Variants in MAP4K1 observed in about 807,000 individuals in gnomAD.
MAP4K1 encodes the protein mitogen-activated protein kinase kinase kinase kinase 1.
MAP4K1 carries 35 observed loss-of-function variants against 122.8 expected under a neutral mutation model. The observed-to-expected ratio is 0.29, with a 90% CI of 0.22 to 0.38. The LOEUF is 0.38. Among genes scored for constraint, MAP4K1 ranks in the 10% least tolerant of loss-of-function variants. The pLI, the probability that MAP4K1 is intolerant of heterozygous loss-of-function variation, is 1.00. For missense variants in MAP4K1, 791 were observed against 1,072.6 expected (o/e 0.74, Z 3.67); for synonymous variants, 412 against 421.3 (o/e 0.98, Z 0.27).
chr19:38,617,205 A>G lies in MAP4K1; in HGVS notation c.248+149T>C. ...GGTTGCAGTGAGCTGAGATCATGCC[A>G]CTGCACTCCAGCCTGGCAACAGAAC... On this transcript the variant is annotated intron_variant, in intron 3 of 30. Transcript: ENST00000396857. This position sits in a 1 kb window ranked among gnomAD's most constrained non-coding sequence, Gnocchi z 4.1. 1.6e-6 allele frequency: 1 copy of G among 631,082 alleles called. No homozygotes were observed. Among genetic ancestry groups the G allele is most frequent in the Non-Finnish European group, 2.8e-6 (1 of 355,892 alleles). 39.1% of individuals were successfully genotyped at this position (631,082 alleles called of 1,614,324 possible).
intron 25 of MAP4K1, among the ~76,000 whole-genome samples, 174 bp from the exon 26 acceptor site, chr19:38,596,660 C>T (rs1388692018): frequency 6.6e-6 from 1 of 152,148 alleles, no homozygotes; most frequent in Admixed American, 6.5e-5. Context: ...GGGTCGTGAC[C>T]TCCGAGTGGG....
chr19:38,610,179 A>G (rs920138566), intron 11 of MAP4K1, among the ~76,000 whole-genome samples, 154 bp from the exon 12 acceptor site: 1 of 151,984 alleles, frequency 6.6e-6, no homozygotes, highest in Non-Finnish European at 1.5e-5. Flanking sequence ...GGGGAAATCC[A>G]GGGAACTCAG....
At chr19:38,593,428 C>T in intron 29 of MAP4K1, 91 bp from the exon 30 acceptor site, 1 of 1,136,826 alleles carries the variant, frequency 8.8e-7, no homozygotes. Context: ...AGGAGCTGGG[C>T]ACGGTGGCTC....
At chr19:38,598,897 C>T (rs1003376467) in intron 22 of MAP4K1, among the ~76,000 whole-genome samples, 2 of 149,470 alleles carry the variant, frequency 1.3e-5, no homozygotes, top group African/African-American at 2.5e-5. Flanking sequence ...CCTGTAATCC[C>T]AGCTACTTGG....
In MAP4K1 at chr19:38,612,694, C is replaced by T. The variant is rs963432600; in HGVS notation, c.582G>A (p.Glu194=). The T allele has an allele frequency of 1.2e-6, 2 of 1,613,948 alleles. No homozygotes were observed. Among genetic ancestry groups the T allele is most frequent in the African/African-American group, 2.7e-5 (2 of 75,038 alleles). Residue 194 remains glutamate, a synonymous_variant, in exon 9 of 31, where the codon GAG becomes GAA. Transcript: ENST00000396857. ...TGCCCAGGGACCAGATGTCACACAGCTCATTGTATCCTCCCTTCAGGGCCA... is the reference window on the plus strand; with the variant it reads ...TGCCCAGGGACCAGATGTCACACAGTTCATTGTATCCTCCCTTCAGGGCCA... ...AAVALKGGYN[E]LCDIWSLGIT...
At position 38,611,267 on chromosome 19, in the gene MAP4K1, G is replaced by A. The variant is rs1389889073; in HGVS notation, c.704C>T (p.Pro235Leu). ...CCATTTGCCTTTTTCCTTCAGTCGGGGAGGCTGGTAGCCACTCTTGGTCAT... is the reference window on the plus strand; with the variant it reads ...CCATTTGCCTTTTTCCTTCAGTCGGAGAGGCTGGTAGCCACTCTTGGTCAT... ...FLMTKSGYQP[P>L]RLKEKGKWSA... is the part of the protein sequence containing the mutation. The change falls in exon 10 of 31, where the codon CCC becomes CTC. Residue 235 changes from proline to leucine, a missense_variant. Coordinates refer to ENST00000396857, the MANE Select transcript of MAP4K1 (RefSeq NM_001042600.3). 6.2e-7 allele frequency: 1 copy of A among 1,613,708 alleles called. No homozygotes were observed. The highest frequency in any genetic ancestry group is 8.5e-7 in the Non-Finnish European group (1 of 1,179,690).
intron 4 of MAP4K1, chr19:38,614,915 C>T (rs1296868965): frequency 1.1e-5 from 1 of 92,794 alleles, no homozygotes; most frequent in Non-Finnish European, 1.9e-5. Context: ...GAAGGAGGCT[C>T]TGTCTCAAAA....
intron 25 of MAP4K1, 81 bp from the exon 26 acceptor site, chr19:38,596,567 G>T: frequency 8.3e-7 from 1 of 1,198,644 alleles, no homozygotes; most frequent in Non-Finnish European, 1.1e-6. Flanking sequence ...GCTGGCCTGG[G>T]ACTTCCGAAC....
intron 3 of MAP4K1, among the ~76,000 whole-genome samples, chr19:38,616,912 G>A (rs1020579690): frequency 9.2e-5 from 14 of 152,070 alleles, no homozygotes; most frequent in African/African-American, 3.4e-4. Context: ...TCCAGGATGG[G>A]AGGTCGGGTT....
intron 30 of MAP4K1, chr19:38,592,481 A>G (rs1031070758): frequency 1.3e-5 from 2 of 152,180 alleles, no homozygotes; most frequent in African/African-American, 4.8e-5. Context: ...AGGCTGAAGC[A>G]TGAGAATCAC....
chr19:38,590,435 AT>A lies in MAP4K1; in HGVS notation c.2397-2619del, dbSNP rs1234945908. Among the ~76,000 whole-genome samples, 169 of 127,046 alleles carry A rather than the reference AT, an allele frequency of 1.3e-3. 3 individuals are homozygous for A. Among genetic ancestry groups the A allele is most frequent in the Non-Finnish European group, 2.0e-3 (122 of 62,036 alleles). The allele number at this position is 127,046 out of a possible 152,430, so 83.3% of individuals were successfully genotyped here. ...TATATATATATATATATATATATAT[AT>A]AATCACGGGCGTCACTAGGACAACG... On this transcript the variant is annotated intron_variant, in intron 30 of 30. Coordinates refer to ENST00000396857, the MANE Select transcript of MAP4K1 (RefSeq NM_001042600.3).
chr19:38,602,806 A>G (rs991144710), intron 19 of MAP4K1, among the ~76,000 whole-genome samples: 2 of 129,894 alleles, frequency 1.5e-5, no homozygotes, highest in Admixed American at 9.3e-5. Flanking sequence ...ACATACATAT[A>G]TACATATATA....
chr19:38,601,460 C>G lies in MAP4K1; in HGVS notation c.1512G>C (p.Trp504Cys), dbSNP rs1360799190. 1.2e-6 allele frequency: 2 copies of G among 1,609,296 alleles called. No individual in the cohort carries two copies. The highest frequency in any genetic ancestry group is 1.7e-6 in the Non-Finnish European group (2 of 1,178,074). The change falls in exon 20 of 31, where the codon TGG (tryptophan) becomes TGC (cysteine). Residue 504 changes from tryptophan to cysteine, a missense_variant. Physicochemically the swap from Trp to Cys is radical, Grantham distance 215. Around this residue, in one of 4 missense-constraint regions of MAP4K1, gnomAD observed 58 missense variants for 118.7 expected, o/e 0.49. Transcript: ENST00000396857. ...GCCCACCCTTGGTGGAGGGATGTGT[C>G]CAGGCGGCCGTGCTGTGGATCCGGA... ...CPLRIHSTAA[W>C]THPSTKDQHL... is the part of the protein sequence containing the mutation.
At chr19:38,598,954 A>C (rs1436568677) in intron 22 of MAP4K1, among the ~76,000 whole-genome samples, 1 of 144,504 alleles carries the variant, frequency 6.9e-6, no homozygotes, top group Non-Finnish European at 1.5e-5. Flanking sequence ...CGGAGGTTGC[A>C]GTGAGCCGAG....
At chr19:38,596,248 G>GCCT (rs1197550187) in intron 26 of MAP4K1, 64 bp downstream of exon 26, 3 of 1,476,030 alleles carry the variant, frequency 2.0e-6, no homozygotes, top group African/African-American at 2.8e-5. Flanking sequence ...GCGAAGCCCC[G>GCCT]CCTCCAGCTC....
chr19:38,613,810 C>T (rs750437), intron 8 of MAP4K1, 70 bp downstream of exon 8: 60,365 of 1,242,106 alleles, frequency 0.049, 4,657 homozygotes, highest in East Asian at 0.3. Context: ...AAAGAGGATC[C>T]CGGGGAACCA....
intron 19 of MAP4K1, among the ~76,000 whole-genome samples, chr19:38,602,989 T>C (rs1210658653): frequency 7.0e-6 from 1 of 143,632 alleles, no homozygotes; most frequent in African/African-American, 2.5e-5. Context: ...CGCATATACA[T>C]ATATACATAT....
In MAP4K1 at chr19:38,596,356, A is replaced by G; in HGVS notation, c.2072T>C (p.Val691Ala). Residue 691 changes from valine to alanine, a missense_variant, in exon 26 of 31, where the codon GTG becomes GCG. Val to Ala is a moderately conservative substitution (Grantham distance 64). Coordinates refer to ENST00000396857, the MANE Select transcript of MAP4K1 (RefSeq NM_001042600.3). ...RPGKSVLFHTVRFGALSCWLG... is the reference protein window; with the variant it reads ...RPGKSVLFHTARFGALSCWLG... Reference sequence around the variant, plus strand: ...CCAGCAAGAGAGCGCGCCAAAGCGCACCGTGTGGAAGAGCACCGACTTCCC... The same window carrying G: ...CCAGCAAGAGAGCGCGCCAAAGCGCGCCGTGTGGAAGAGCACCGACTTCCC... The G allele has an allele frequency of 6.2e-7, 1 of 1,602,372 alleles. No individual in the cohort carries two copies. The highest frequency in any genetic ancestry group is 8.5e-7 in the Non-Finnish European group (1 of 1,176,218).
chr19:38,616,128 A>G lies in MAP4K1; in HGVS notation c.313+67T>C, dbSNP rs1407588369. The G allele has an allele frequency of 3.2e-6, 4 of 1,231,082 alleles. No homozygotes were observed. The African/African-American group carries it at 6.2e-5, about 19-fold the overall frequency. 76.3% of individuals were successfully genotyped at this position (1,231,082 alleles called of 1,614,324 possible). The stretch of plus-strand genomic sequence containing the variant: ...TACACACACAGAGACGGAAGAGGTG[A>G]ATTTGGGTCGGGGTTGGGGGGTGGG... On this transcript the variant is annotated intron_variant, in intron 4 of 30. Coordinates refer to ENST00000396857, the MANE Select transcript of MAP4K1 (RefSeq NM_001042600.3).
Sources: allele counts gnomAD v4.1 joint callset (sites outside exome capture counted in the v4.1 genomes callset), GRCh38; gene constraint gnomAD v4.1.1; regional missense constraint gnomAD v4.1.1; non-coding constraint Gnocchi (gnomAD v3.1); transcripts MANE v1.5; gene names NCBI Gene and HGNC (gene_info 2026-07-23, HGNC 2026-07-21).